Variants in GDF5 observed in about 807,000 individuals in gnomAD.
GDF5 encodes the protein growth/differentiation factor 5.
GDF5 carries 17 observed loss-of-function variants against 34.6 expected under a neutral mutation model. The ratio of observed to expected loss-of-function variants is 0.49; its 90% CI spans 0.34 to 0.74. The LOEUF (loss-of-function observed/expected upper bound fraction) is 0.74. Among genes scored for constraint, GDF5 ranks in the 30% least tolerant of loss-of-function variants. The pLI is 0.01. For synonymous variants in GDF5, 332 were observed against 290.7 expected (o/e 1.14, Z -1.44); for missense variants, 616 against 661.2 (o/e 0.93, Z 0.75).
At chr20:35,445,393 AG>A (rs1187044390) in intron 1 of GDF5, among the ~76,000 whole-genome samples, 1 of 151,950 alleles carries the variant, frequency 6.6e-6, no homozygotes, top group Non-Finnish European at 1.5e-5. Context: ...GGCCGGGTGC[AG>A]TGGCTCACGC....
intron 1 of GDF5, among the ~76,000 whole-genome samples, chr20:35,453,245 G>A (rs1413320278): frequency 3.9e-5 from 6 of 152,080 alleles, no homozygotes; most frequent in South Asian, 2.1e-4. Flanking sequence ...GCAAGACCCC[G>A]TCTCAAAAAG....
intron 1 of GDF5, among the ~76,000 whole-genome samples, chr20:35,451,682 A>G (rs577564504): frequency 6.6e-6 from 1 of 151,546 alleles, no homozygotes; most frequent in South Asian, 2.1e-4. Context: ...CCTGGGCTCA[A>G]GCAATCCTCT....
chr20:35,449,275 C>G (rs912305583), intron 1 of GDF5, among the ~76,000 whole-genome samples: 3 of 92,238 alleles, frequency 3.3e-5, no homozygotes, highest in African/African-American at 9.0e-5. Context: ...GGCTTGTCTG[C>G]TTAGCATTTT....
chr20:35,438,373 C>G (rs2062484678), upstream of GDF5: 1 of 185,036 alleles, frequency 5.4e-6, no homozygotes, highest in African/African-American at 2.4e-5. Flanking sequence ...CACACACACA[C>G]ACACACACAC....
At chr20:35,438,821 A>ATGTGTGTGTGTGTGTGTG (rs1177580555), upstream of GDF5, among the ~76,000 whole-genome samples, 28 of 45,024 alleles carry the variant, frequency 6.2e-4, no homozygotes, top group African/African-American at 1.4e-3. Context: ...CTGATTTGTT[A>ATGTGTGTGTGTGTGTGTG]TGCGTGTGTG....
chr20:35,451,054 A>AT (rs2062530183), intron 1 of GDF5, among the ~76,000 whole-genome samples: 1 of 49,190 alleles, frequency 2.0e-5, no homozygotes, highest in African/African-American at 9.2e-5. Flanking sequence ...AAAAAAAAAA[A>AT]AAAAAAAAAA....
In GDF5 at chr20:35,433,684, GGT is replaced by G; in HGVS notation, c.*223_*224del. On this transcript the variant is annotated 3_prime_UTR_variant, in exon 2 of 2. Coordinates refer to ENST00000374369, the MANE Select transcript of GDF5 (RefSeq NM_000557.5). ...TCTCCCTGGACCTGTGCCTGCCACTGGTCACATCAGCAGACGGGCAGCAATCC... is the reference window on the plus strand; with the variant it reads ...TCTCCCTGGACCTGTGCCTGCCACTGCACATCAGCAGACGGGCAGCAATCC... 1.6e-6 allele frequency: 1 copy of G among 611,562 alleles called. No individual in the cohort carries two copies. The highest frequency in any genetic ancestry group is 3.0e-6 in the Non-Finnish European group (1 of 336,044). The allele number at this position is 611,562 out of a possible 1,614,324, so 37.9% of individuals were successfully genotyped here.
chr20:35,453,815 A>G (rs2062548411), intron 1 of GDF5: 1 of 467,300 alleles, frequency 2.1e-6, no homozygotes, highest in African/African-American at 2.0e-5. Context: ...CACTCGAGCT[A>G]TCCACTCATT....
upstream of GDF5, among the ~76,000 whole-genome samples, chr20:35,439,779 C>T (rs57827048): frequency 1.3e-5 from 2 of 152,094 alleles, no homozygotes; most frequent in Non-Finnish European, 1.5e-5. Context: ...GAAAATTTAC[C>T]TCCTTCGGGA....
chr20:35,435,238 C>T (rs2062466545), intron 1 of GDF5: 1 of 311,872 alleles, frequency 3.2e-6, no homozygotes, highest in Non-Finnish European at 6.2e-6. Flanking sequence ...ATTGCTTGAG[C>T]TCCGGAGTTC....
At position 35,437,396 on chromosome 20, in the gene GDF5, C is replaced by G; in HGVS notation, c.533G>C (p.Arg178Thr). ...CTTTCTGTCAGCATCGGACAGCGTC[C>G]TGTACAGCGAGAGCATGTACTCGTG... ...TPHEYMLSLY[R>T]TLSDADRKGG... The change falls in exon 1 of 2, where the codon AGG becomes ACG. Residue 178 changes from arginine to threonine, a missense_variant. Transcript: ENST00000374369. The G allele has an allele frequency of 6.2e-7, 1 of 1,613,688 alleles. No homozygotes were observed. Among genetic ancestry groups the G allele is most frequent in the Non-Finnish European group, 8.5e-7 (1 of 1,179,626 alleles).
chr20:35,447,642 A>T (rs1419986876), intron 1 of GDF5, among the ~76,000 whole-genome samples: 1 of 152,190 alleles, frequency 6.6e-6, no homozygotes, highest in Non-Finnish European at 1.5e-5. Context: ...AGTCATACAT[A>T]TTAGGAAGAA....
upstream of GDF5, among the ~76,000 whole-genome samples, chr20:35,442,584 G>A (rs1272637418): frequency 7.0e-6 from 1 of 143,554 alleles, no homozygotes; most frequent in African/African-American, 2.6e-5. Flanking sequence ...TGTCACTTAG[G>A]CTAGAGTGAA....
Position 35,438,044 on chromosome 20 carries a change from G to A in GDF5, c.-116C>T. On this transcript the variant is annotated 5_prime_UTR_variant, in exon 1 of 2. Transcript: ENST00000374369. ...ACTTTCAAAAGCAGCGGCAGCAGCA[G>A]TAGCAGCAGAAGGAAAGGCTTTCTC... The A allele has an allele frequency of 8.4e-7, 1 of 1,194,800 alleles. No homozygotes were observed. The highest frequency in any genetic ancestry group is 2.5e-5 in the East Asian group (1 of 39,804). 74.0% of individuals were successfully genotyped at this position (1,194,800 alleles called of 1,614,324 possible).
intron 1 of GDF5, among the ~76,000 whole-genome samples, chr20:35,450,934 G>T (rs2146591858): frequency 6.6e-6 from 1 of 151,246 alleles, no homozygotes; most frequent in East Asian, 1.9e-4. Flanking sequence ...GAGGAATGGG[G>T]ACTCATAGCC....
At chr20:35,439,094 T>C (rs961268872), upstream of GDF5, among the ~76,000 whole-genome samples, 1 of 151,906 alleles carries the variant, frequency 6.6e-6, no homozygotes, top group African/African-American at 2.4e-5. Flanking sequence ...TTAAGTTCAC[T>C]CCTTGGATGG....
chr20:35,454,452 C>CAA (rs5841211), intron 1 of GDF5, among the ~76,000 whole-genome samples: 6 of 103,266 alleles, frequency 5.8e-5, no homozygotes, highest in Non-Finnish European at 1.2e-4. Context: ...GACTCCATTT[C>CAA]AAAAAAAAAA....
At chr20:35,436,018 G>A (rs1229055312) in intron 1 of GDF5, among the ~76,000 whole-genome samples, 1 of 152,140 alleles carries the variant, frequency 6.6e-6, no homozygotes, top group African/African-American at 2.4e-5. Flanking sequence ...GCATGTACAT[G>A]TGTGATTCAG....
At chr20:35,452,974 G>T (rs2062539148) in intron 1 of GDF5, among the ~76,000 whole-genome samples, 1 of 152,144 alleles carries the variant, frequency 6.6e-6, no homozygotes, top group African/African-American at 2.4e-5. Flanking sequence ...AGACGGCCGG[G>T]TGCGGTGGCG....
Sources: gnomAD v4.1 joint callset for allele counts (sites outside exome capture counted in the v4.1 genomes callset) on GRCh38, gnomAD v4.1.1 for gene constraint, MANE v1.5 for transcripts, NCBI Gene and HGNC (gene_info 2026-07-23, HGNC 2026-07-21) for gene names.